The following PVR variants were observed in gnomAD, a reference collection of about 807,000 sequenced individuals.
PVR encodes the protein PVR cell adhesion molecule, also known as poliovirus receptor.
A neutral mutation model predicts 43.3 loss-of-function variants in PVR; 39 were observed. The observed-to-expected ratio is 0.90, with a 90% CI of 0.70 to 1.18. The LOEUF (loss-of-function observed/expected upper bound fraction) is 1.18, where lower values mean the gene tolerates loss of function less well. Among genes scored for constraint, PVR ranks in the 50% most tolerant of loss-of-function variants. PVR has a pLI of 0.00. For missense variants in PVR, 480 were observed against 549.7 expected (o/e 0.87, Z 1.27); for synonymous variants, 224 against 233.2 (o/e 0.96, Z 0.36).
Position 44,647,475 on chromosome 19 carries a change from T to TCGGGTTG in PVR, c.335_341dup (p.Glu116AlafsTer5). ...CTGCGGAATGCCTCGCTGAGGATGT[T>TCGGGTTG]CGGGTTGCGCGTAGAGGATGAAGGC... On this transcript the variant is annotated frameshift_variant, in exon 2 of 8. Transcript: ENST00000425690. LOFTEE classifies it high-confidence loss of function. 1 of 1,614,060 alleles carries TCGGGTTG rather than the reference T, an allele frequency of 6.2e-7. No homozygotes were observed. The highest frequency in any genetic ancestry group is 2.2e-5 in the East Asian group (1 of 44,868).
intron 1 of PVR, among the ~76,000 whole-genome samples, chr19:44,645,884 T>G (rs1234708850): frequency 6.6e-6 from 1 of 152,190 alleles, no homozygotes; most frequent in East Asian, 1.9e-4. Flanking sequence ...TGTCACATTT[T>G]GAGGACCTAC....
intron 4 of PVR, among the ~76,000 whole-genome samples, chr19:44,655,733 A>G (rs796230356): frequency 6.6e-6 from 1 of 152,198 alleles, no homozygotes; most frequent in East Asian, 1.9e-4. Context: ...TGAACACTTA[A>G]GATTCCACCA....
In PVR at chr19:44,650,008, G is replaced by T; in HGVS notation, c.627G>T (p.Val209=). Reference sequence around the variant, plus strand: ...CTGTCACCAGCCTCTGGATATTGGTGCCCTCAAGCCAGGTGGACGGCAAGA... The same window carrying T: ...CTGTCACCAGCCTCTGGATATTGGTTCCCTCAAGCCAGGTGGACGGCAAGA... ...TVTVTSLWIL[V]PSSQVDGKNV... The change falls in exon 3 of 8, where the codon GTG becomes GTT. Residue 209 remains valine (V), a synonymous_variant. Coordinates refer to ENST00000425690, the MANE Select transcript of PVR (RefSeq NM_006505.5). The T allele has an allele frequency of 6.2e-7, 1 of 1,603,904 alleles. No homozygotes were observed. The highest frequency in any genetic ancestry group is 1.7e-4 in the Middle Eastern group (1 of 5,992).
At chr19:44,652,768 A>G (rs1453830598) in intron 3 of PVR, among the ~76,000 whole-genome samples, 2 of 152,042 alleles carry the variant, frequency 1.3e-5, no homozygotes, top group Non-Finnish European at 1.5e-5. Context: ...TCCTGCCTCA[A>G]CCTCCCAAGG....
In PVR at chr19:44,665,659, A is replaced by AT. The variant is rs1973697860; in HGVS notation, c.*3848_*3849insT. ...CCAAAAAAAAAAAAAAAAAAAAAAAAACTGGATTGCCTGGCTCTACTCCGG... is the reference window on the plus strand; with the variant it reads ...CCAAAAAAAAAAAAAAAAAAAAAAAATACTGGATTGCCTGGCTCTACTCCGG... On this transcript the variant is annotated 3_prime_UTR_variant, in exon 8 of 8. Coordinates refer to ENST00000425690, the MANE Select transcript of PVR (RefSeq NM_006505.5). 6.3e-6 allele frequency: 1 copy of AT among 159,268 alleles called. No homozygotes were observed. The allele number at this position is 159,268 out of a possible 1,614,324, so 9.9% of individuals were successfully genotyped here.
chr19:44,645,787 C>A (rs1370825165), intron 1 of PVR, among the ~76,000 whole-genome samples: 2 of 151,396 alleles, frequency 1.3e-5, no homozygotes, highest in Non-Finnish European at 2.9e-5. Context: ...ATGGCAAGAC[C>A]CCATCTCTAC....
At chr19:44,650,165 T>C in intron 3 of PVR, 60 bp downstream of exon 3, 1 of 1,450,882 alleles carries the variant, frequency 6.9e-7, no homozygotes, top group Non-Finnish European at 9.2e-7. Flanking sequence ...CACCACTGTC[T>C]ACACTGACTC....
At chr19:44,652,365 ATTTTTGTTTTTG>A (rs199599283) in intron 3 of PVR, among the ~76,000 whole-genome samples, 6 of 151,268 alleles carry the variant, frequency 4.0e-5, no homozygotes, top group South Asian at 2.1e-4. Context: ...TGCCTAGCTA[ATTTTTGTTTTTG>A]TTTTTGTTTT....
chr19:44,654,001 G>C lies in PVR; in HGVS notation c.826G>C (p.Gly276Arg), dbSNP rs1243522039. 7 of 1,613,508 alleles carry C rather than the reference G, an allele frequency of 4.3e-6. No individual in the cohort carries two copies. Among genetic ancestry groups the C allele is most frequent in the African/African-American group, 2.7e-5 (2 of 74,944 alleles). ...CDARSNPEPT[G>R]YNWSTTMGPL... is the part of the protein sequence containing the mutation. ...TGCTCGCAGCAACCCAGAGCCCACA[G>C]GCTATAATTGGAGCACGTGAGTCCT... Residue 276 changes from glycine to arginine, a missense_variant, in exon 4 of 8, where the codon GGC becomes CGC. By Grantham distance (125) the Gly-to-Arg change is moderately radical (BLOSUM62 -2). Transcript: ENST00000425690.
chr19:44,646,512 C>T (rs1214996330), intron 1 of PVR, among the ~76,000 whole-genome samples: 1 of 152,142 alleles, frequency 6.6e-6, no homozygotes, highest in Non-Finnish European at 1.5e-5. Context: ...TACCTGTAAT[C>T]CCAGCACTTT....
Position 44,662,855 on chromosome 19 carries a change from A to G in PVR, c.*1044A>G, listed in dbSNP as rs1973622455. ...CTGTATCCGTCAGATCTCTGTGGTT[A>G]CAAGAAACAGCCACTGACCCTGGTC... On this transcript the variant is annotated 3_prime_UTR_variant, in exon 8 of 8. Transcript: ENST00000425690. The G allele has an allele frequency of 6.6e-6, 1 of 152,212 alleles. No homozygotes were observed. The allele number at this position is 152,212 out of a possible 1,614,324, so 9.4% of individuals were successfully genotyped here.
At chr19:44,655,004 G>T (rs774280787) in intron 4 of PVR, among the ~76,000 whole-genome samples, 9 of 152,186 alleles carry the variant, frequency 5.9e-5, no homozygotes, top group Admixed American at 3.3e-4. Flanking sequence ...CTGAGGCTGA[G>T]ATCAAGAGCA....
intron 3 of PVR, among the ~76,000 whole-genome samples, chr19:44,650,387 ACT>A (rs1033175493): frequency 6.6e-5 from 10 of 151,516 alleles, no homozygotes; most frequent in African/African-American, 2.4e-4. Flanking sequence ...GATACCTGAC[ACT>A]CTGTTGACTC....
intron 6 of PVR, 79 bp from the exon 7 acceptor site, chr19:44,661,213 C>A: frequency 2.2e-6 from 3 of 1,382,390 alleles, no homozygotes; most frequent in Non-Finnish European, 3.1e-6. Context: ...ATTTTCAGGG[C>A]CCTGACACCC....
rs1337818451 is a variant in PVR at position 44,663,511 on chromosome 19, T to C, written c.*1700T>C. ...GGGGAGATAAAGGAACATTGGTTGCTTTGGTGGCACGTAAGCTCCTTGTCT... is the reference window on the plus strand; with the variant it reads ...GGGGAGATAAAGGAACATTGGTTGCCTTGGTGGCACGTAAGCTCCTTGTCT... On this transcript the variant is annotated 3_prime_UTR_variant, in exon 8 of 8. Coordinates refer to ENST00000425690, the MANE Select transcript of PVR (RefSeq NM_006505.5). The C allele has an allele frequency of 6.6e-6, 1 of 152,168 alleles. No homozygotes were observed. Among genetic ancestry groups the C allele is most frequent in the African/African-American group, 2.4e-5 (1 of 41,432 alleles). The allele number at this position is 152,168 out of a possible 1,614,324, so 9.4% of individuals were successfully genotyped here. A position where few individuals can be genotyped will look rare whatever the true frequency, so the allele number is the denominator to read the frequency against.
chr19:44,644,147 G>T lies in PVR; in HGVS notation c.51G>T (p.Leu17=). The part of the protein sequence containing the change: ...AAWPLLLVAL[L]VLSWPPPGTG... ...GGCCGCTGCTGCTGGTGGCGCTACT[G>T]GTGCTGTCCTGGCCACCCCCAGGAA... is the stretch of plus-strand genomic sequence containing the variant. Residue 17 remains leucine, a synonymous_variant, in exon 1 of 8, where the codon CTG becomes CTT. Coordinates refer to ENST00000425690, the MANE Select transcript of PVR (RefSeq NM_006505.5). 1 of 1,518,498 alleles carries T rather than the reference G, an allele frequency of 6.6e-7. No homozygotes were observed. The allele number at this position is 1,518,498 out of a possible 1,614,324, so 94.1% of individuals were successfully genotyped here.
chr19:44,658,707 T>A (rs752148266), intron 5 of PVR, 35 bp from the exon 6 acceptor site: 12 of 1,548,940 alleles, frequency 7.7e-6, no homozygotes, highest in Admixed American at 1.9e-5. Flanking sequence ...CCCCAAGAGT[T>A]TCCTTACCTA....
At chr19:44,655,769 C>T (rs1973426995) in intron 4 of PVR, among the ~76,000 whole-genome samples, 1 of 151,864 alleles carries the variant, frequency 6.6e-6, no homozygotes, top group South Asian at 2.1e-4. Context: ...TAACATTTTA[C>T]TGTGCTTGCT....
chr19:44,646,875 G>A (rs1435570465), intron 1 of PVR, among the ~76,000 whole-genome samples: 1 of 152,220 alleles, frequency 6.6e-6, no homozygotes, highest in African/African-American at 2.4e-5. Flanking sequence ...TGCTTTAAAT[G>A]ACTTAAATGG....
Sources: allele counts gnomAD v4.1 joint callset (sites outside exome capture counted in the v4.1 genomes callset), GRCh38; gene constraint gnomAD v4.1.1; transcripts MANE v1.5; gene names NCBI Gene and HGNC (gene_info 2026-07-23, HGNC 2026-07-21).